The following DOCK8 variants were observed in gnomAD, a reference collection of about 807,000 sequenced individuals.
DOCK8 encodes the protein dedicator of cytokinesis 8.
In DOCK8, 141 loss-of-function variants were observed where a neutral mutation model predicts 245.6. The observed-to-expected ratio is 0.57, with a 90% confidence interval of 0.50 to 0.66. DOCK8 has a LOEUF of 0.66. DOCK8 is among the 30% of genes least tolerant of loss of function. DOCK8 has a pLI of 0.00. For synonymous variants in DOCK8, 1,168 were observed against 970.2 expected (o/e 1.20, Z -3.79); for missense variants, 2,965 against 2,603.4 (o/e 1.14, Z -3.02).
At chr9:232,023 G>C (rs1224492395) in intron 1 of DOCK8, among the ~76,000 whole-genome samples, 1 of 152,124 alleles carries the variant, frequency 6.6e-6, no homozygotes, top group Non-Finnish European at 1.5e-5. Context: ...TATGATATTG[G>C]CTGTGGGTTT....
At position 426,982 on chromosome 9, in the gene DOCK8, G is replaced by C; in HGVS notation, c.4338+1G>C. The C allele has an allele frequency of 6.2e-7, 1 of 1,613,358 alleles. No individual in the cohort carries two copies. Among genetic ancestry groups the C allele is most frequent in the Non-Finnish European group, 8.5e-7 (1 of 1,179,518 alleles). On this transcript the variant is annotated splice_donor_variant, in intron 34 of 47. Coordinates refer to ENST00000432829, the MANE Select transcript of DOCK8 (RefSeq NM_203447.4). LOFTEE classifies it high-confidence loss of function. ...GGATATGCAGGAAAACATTATCCAG[G>C]TGAGGAAAACAAACACCCAATCTGA...
chr9:309,018 C>G (rs541278963), intron 5 of DOCK8, among the ~76,000 whole-genome samples: 1 of 152,200 alleles, frequency 6.6e-6, no homozygotes, highest in Non-Finnish European at 1.5e-5. Flanking sequence ...AATCTCTTAA[C>G]ACTTCCTTTT....
At chr9:425,295 G>A (rs746834813) in intron 33 of DOCK8, among the ~76,000 whole-genome samples, 4 of 152,136 alleles carry the variant, frequency 2.6e-5, no homozygotes, top group Non-Finnish European at 5.9e-5. Context: ...CACTTTGGGA[G>A]GCCGAGGTAA....
rs759864789 is a variant in DOCK8 at position 463,512 on chromosome 9, C to T, written c.6069-5C>T. 1.9e-6 allele frequency: 3 copies of T among 1,613,988 alleles called. No homozygotes were observed. Among genetic ancestry groups the T allele is most frequent in the Admixed American group, 3.3e-5 (2 of 59,996 alleles). ...ATTTCTCCCACACTGATATTTTCAT[C>T]TCAGATGTGGTGAAGCTGTAGAGAA... On this transcript the variant is annotated splice_region_variant and splice_polypyrimidine_tract_variant and intron_variant, in intron 46 of 47. Coordinates refer to ENST00000432829, the MANE Select transcript of DOCK8 (RefSeq NM_203447.4).
chr9:419,228 G>C (rs1454617357), intron 30 of DOCK8, among the ~76,000 whole-genome samples: 1 of 152,220 alleles, frequency 6.6e-6, no homozygotes, highest in Non-Finnish European at 1.5e-5. Flanking sequence ...AACTCTTCTT[G>C]CTGGATGACT....
At chr9:391,003 T>A (rs2054168528) in intron 24 of DOCK8, among the ~76,000 whole-genome samples, 1 of 152,232 alleles carries the variant, frequency 6.6e-6, no homozygotes, top group African/African-American at 2.4e-5. Flanking sequence ...AAAGCCCTTG[T>A]ATGATTCTGT....
At chr9:317,673 T>A (rs1563916571) in intron 7 of DOCK8, among the ~76,000 whole-genome samples, 1 of 152,144 alleles carries the variant, frequency 6.6e-6, no homozygotes, top group African/African-American at 2.4e-5. Context: ...CAGGGGACAA[T>A]AGGGAGTGGT....
intron 46 of DOCK8, chr9:456,686 A>G (rs1292441703): frequency 2.6e-5 from 4 of 152,166 alleles, no homozygotes; most frequent in Non-Finnish European, 5.9e-5. Context: ...TGGGACCTCA[A>G]TCAGCTTCTG....
At position 376,253 on chromosome 9, in the gene DOCK8, A is replaced by G. The variant is rs754345201; in HGVS notation, c.2153A>G (p.His718Arg). The G allele has an allele frequency of 4.3e-6, 7 of 1,613,618 alleles. No homozygotes were observed. In the South Asian group the frequency reaches 6.6e-5, roughly 15 times the overall value. ...CCTCCCATTAAGTGGGCTGAAGGAC[A>G]TAAGGGAGTATTTAATATTGAAGTG... ...QNPPIKWAEG[H>R]KGVFNIEVQA... The change falls in exon 19 of 48, where the codon CAT becomes CGT. Residue 718 changes from histidine (H) to arginine (R), a missense_variant. This residue lies in a region of DOCK8 where 2,825 missense variants were observed against 2,453.5 expected (regional missense o/e 1.15). Transcript: ENST00000432829.
intron 2 of DOCK8, among the ~76,000 whole-genome samples, chr9:278,641 C>G (rs1334215129): frequency 2.0e-5 from 3 of 152,188 alleles, no homozygotes; most frequent in Admixed American, 1.3e-4. Flanking sequence ...AAAGGAGACA[C>G]TTGGGCAGAA....
intron 28 of DOCK8, among the ~76,000 whole-genome samples, chr9:408,893 CACGCGCGT>C (rs1157800727): frequency 2.4e-5 from 3 of 126,596 alleles, no homozygotes; most frequent in African/African-American, 8.9e-5. Context: ...CACACGCACA[CACGCGCGT>C]GCACATGCAC....
intron 1 of DOCK8, among the ~76,000 whole-genome samples, chr9:255,733 T>C (rs2047757593): frequency 6.6e-6 from 1 of 150,376 alleles, no homozygotes; most frequent in Non-Finnish European, 1.5e-5. Flanking sequence ...TTACCATACA[T>C]GTCCTCTAGT....
At chr9:397,908 C>A (rs185761734) in intron 25 of DOCK8, among the ~76,000 whole-genome samples, 3 of 152,180 alleles carry the variant, frequency 2.0e-5, no homozygotes, top group Non-Finnish European at 2.9e-5. Flanking sequence ...TATTCTTGCA[C>A]CTTTTCTGTA....
chr9:431,618 C>G lies in DOCK8; in HGVS notation c.4627-548C>G, dbSNP rs368246223. 3.9e-5 allele frequency among the ~76,000 whole-genome samples: 6 copies of G among 152,258 alleles called. No homozygotes were observed. In the East Asian group the frequency reaches 1.2e-3, roughly 29 times the overall value. ...CTGCCTACCAGGTTTAAGCAATTCTCCTGCCTCAGCCTCTCGAGTAGCTGG... is the reference window on the plus strand; with the variant it reads ...CTGCCTACCAGGTTTAAGCAATTCTGCTGCCTCAGCCTCTCGAGTAGCTGG... On this transcript the variant is annotated intron_variant, in intron 36 of 47. Transcript: ENST00000432829.
At chr9:267,039 A>C (rs1032480124) in intron 1 of DOCK8, among the ~76,000 whole-genome samples, 9 of 152,168 alleles carry the variant, frequency 5.9e-5, no homozygotes, top group Non-Finnish European at 1.3e-4. Context: ...CTTCACTAGG[A>C]CCAGGGTAGA....
In DOCK8 at chr9:387,755, T is replaced by G. The variant is rs374117321; in HGVS notation, c.2874+1329T>G. Reference sequence around the variant, plus strand: ...AAATTAGTCCACTTGCTCTAAAATTTAATATTAGGCTATCACAGGCCCTAT... The same window carrying G: ...AAATTAGTCCACTTGCTCTAAAATTGAATATTAGGCTATCACAGGCCCTAT... On this transcript the variant is annotated intron_variant, in intron 23 of 47. Coordinates refer to ENST00000432829, the MANE Select transcript of DOCK8 (RefSeq NM_203447.4). Among the ~76,000 whole-genome samples the G allele has an allele frequency of 5.9e-5, 9 of 152,340 alleles. No homozygotes were observed. The East Asian group carries it at 9.6e-4, about 16-fold the overall frequency.
Position 317,504 on chromosome 9 carries a change from T to C in DOCK8, c.827+376T>C, listed in dbSNP as rs118026874. Among the ~76,000 whole-genome samples the C allele has an allele frequency of 5.3e-4, 80 of 152,290 alleles. 1 individual carries two copies. The highest frequency in any genetic ancestry group is 9.1e-4 in the Non-Finnish European group (62 of 68,020). On this transcript the variant is annotated intron_variant, in intron 7 of 47. Coordinates refer to ENST00000432829, the MANE Select transcript of DOCK8 (RefSeq NM_203447.4). ...TCTTCCTGGGTTCGGTGAAGTCACA[T>C]TGGTAACTTTAAATTGGCCATGGCG...
At chr9:361,933 A>G (rs1312183157) in intron 14 of DOCK8, among the ~76,000 whole-genome samples, 1 of 152,184 alleles carries the variant, frequency 6.6e-6, no homozygotes, top group Non-Finnish European at 1.5e-5. Context: ...TTTTCACTCA[A>G]CATTATACAC....
chr9:332,824 G>A (rs1474499912), intron 10 of DOCK8, among the ~76,000 whole-genome samples: 3 of 151,656 alleles, frequency 2.0e-5, no homozygotes, highest in Non-Finnish European at 4.4e-5. Context: ...TGCTTGGCTA[G>A]TTTTTTATTT....
Sources: allele counts gnomAD v4.1 joint callset (sites outside exome capture counted in the v4.1 genomes callset), GRCh38; gene constraint gnomAD v4.1.1; regional missense constraint gnomAD v4.1.1; transcripts MANE v1.5; gene names NCBI Gene and HGNC (gene_info 2026-07-23, HGNC 2026-07-21).